Variants in FBXW8 observed in about 807,000 individuals in gnomAD.
The protein encoded by FBXW8 is F-box/WD repeat-containing protein 8.
FBXW8 carries 57 observed loss-of-function variants against 65.3 expected under a neutral mutation model. The observed-to-expected ratio is 0.87, with a 90% CI of 0.71 to 1.09. The LOEUF (loss-of-function observed/expected upper bound fraction) is 1.09. FBXW8 is among the 50% of genes least tolerant of loss of function. FBXW8 has a pLI of 0.00. For synonymous variants in FBXW8, 308 were observed against 330.2 expected, an observed-to-expected ratio of 0.93 and a Z score of 0.73; for missense variants, 777 against 814.8, an observed-to-expected ratio of 0.95 and a Z score of 0.57.
At chr12:116,937,747 C>T (rs925881580) in intron 2 of FBXW8, among the ~76,000 whole-genome samples, 1 of 151,868 alleles carries the variant, frequency 6.6e-6, no homozygotes, top group African/African-American at 2.4e-5. Context: ...CCACAGTAGA[C>T]TTGATGTGTG....
At chr12:116,989,882 G>T (rs1393209097) in intron 7 of FBXW8, among the ~76,000 whole-genome samples, 1 of 152,196 alleles carries the variant, frequency 6.6e-6, no homozygotes, top group Admixed American at 6.5e-5. Context: ...AATAGTGCCT[G>T]CTTCTTAGAG....
chr12:116,928,146 A>T lies in FBXW8; in HGVS notation c.423+19A>T. The T allele has an allele frequency of 1.4e-6, 2 of 1,467,278 alleles. No homozygotes were observed. The highest frequency in any genetic ancestry group is 2.3e-5 in the South Asian group (2 of 85,970). 90.9% of individuals were successfully genotyped at this position (1,467,278 alleles called of 1,614,324 possible). A position where few individuals can be genotyped will look rare whatever the true frequency, so the allele number is the denominator to read the frequency against. ...TGCACAGGTAAGGTGTCACCAACAG[A>T]TGTTCCAGATTTTCCTAAATGTGTG... is the stretch of plus-strand genomic sequence containing the variant. On this transcript the variant is annotated intron_variant, in intron 2 of 10. Transcript: ENST00000652555.
At chr12:117,017,599 G>A (rs1953982321) in intron 8 of FBXW8, among the ~76,000 whole-genome samples, 1 of 152,108 alleles carries the variant, frequency 6.6e-6, no homozygotes, top group Middle Eastern at 3.2e-3. Context: ...ATATTTAATA[G>A]CCCAGGTTCA....
intron 8 of FBXW8, among the ~76,000 whole-genome samples, chr12:117,022,351 CTA>C (rs1433319158): frequency 6.9e-6 from 1 of 145,428 alleles, no homozygotes; most frequent in Non-Finnish European, 1.5e-5. Flanking sequence ...ACTAAAGAAA[CTA>C]TTAAAAAAAA....
chr12:117,015,329 C>A (rs1169100320), intron 8 of FBXW8, among the ~76,000 whole-genome samples: 1 of 152,080 alleles, frequency 6.6e-6, no homozygotes, highest in African/African-American at 2.4e-5. Context: ...TGTGTTTTGT[C>A]CATAGGTTTT....
At chr12:116,913,272 G>C (rs1361467639) in intron 1 of FBXW8, among the ~76,000 whole-genome samples, 2 of 152,204 alleles carry the variant, frequency 1.3e-5, no homozygotes, top group Non-Finnish European at 2.9e-5. Flanking sequence ...TAGAGGTATA[G>C]GCATTGATGC....
At chr12:116,947,798 T>G (rs530238997) in intron 3 of FBXW8, among the ~76,000 whole-genome samples, 1 of 151,592 alleles carries the variant, frequency 6.6e-6, no homozygotes, top group East Asian at 1.9e-4. Context: ...GGCAAGTTGC[T>G]TTACTTTTGT....
Position 116,928,085 on chromosome 12 carries a change from A to C in FBXW8, c.381A>C (p.Ile127=). Residue 127 remains isoleucine, a synonymous_variant, in exon 2 of 11, where the codon ATA becomes ATC. Transcript: ENST00000652555. ...IQLPYELAIN[I]FQYLDRKELG... ...TGCCTTACGAATTGGCAATCAATAT[A>C]TTTCAGTATCTGGACAGGAAAGAAC... 1 of 1,612,560 alleles carries C rather than the reference A, an allele frequency of 6.2e-7. No individual in the cohort carries two copies.
intron 8 of FBXW8, among the ~76,000 whole-genome samples, chr12:117,020,441 T>C (rs1441393269): frequency 6.6e-6 from 1 of 151,762 alleles, no homozygotes; most frequent in Admixed American, 6.5e-5. Flanking sequence ...GTCCGCACTC[T>C]GTTTTTCTCC....
intron 9 of FBXW8, among the ~76,000 whole-genome samples, chr12:117,025,819 A>T (rs1954215120): frequency 6.6e-6 from 1 of 152,112 alleles, no homozygotes; most frequent in Admixed American, 6.5e-5. Context: ...GTCCTCAGGG[A>T]TGGCTGCCAG....
intron 7 of FBXW8, among the ~76,000 whole-genome samples, chr12:116,998,947 C>G (rs1477328809): frequency 1.3e-5 from 2 of 152,212 alleles, no homozygotes; most frequent in African/African-American, 4.8e-5. Flanking sequence ...AGAGAACTTT[C>G]ACTTTTTATT....
At chr12:116,981,968 G>C (rs1253228726) in intron 5 of FBXW8, among the ~76,000 whole-genome samples, 3 of 152,068 alleles carry the variant, frequency 2.0e-5, no homozygotes, top group Non-Finnish European at 4.4e-5. Flanking sequence ...GGTAGACTGT[G>C]ATAAAGACTT....
intron 8 of FBXW8, among the ~76,000 whole-genome samples, chr12:117,023,622 G>A (rs1377678568): frequency 6.6e-6 from 1 of 152,226 alleles, no homozygotes; most frequent in Non-Finnish European, 1.5e-5. Flanking sequence ...CCGCTCTGCT[G>A]TGCTTATCAA....
At chr12:116,975,188 G>C (rs914605014) in intron 5 of FBXW8, among the ~76,000 whole-genome samples, 1 of 152,198 alleles carries the variant, frequency 6.6e-6, no homozygotes, top group Non-Finnish European at 1.5e-5. Flanking sequence ...CATAATTGTC[G>C]TAGGCAAGAA....
intron 5 of FBXW8, among the ~76,000 whole-genome samples, chr12:116,976,232 T>C (rs79921810): frequency 0.012 from 1,800 of 152,296 alleles, 36 homozygotes; most frequent in African/African-American, 0.041. Context: ...GCTTGCCGCT[T>C]TTCTGCTGTC....
Position 117,027,333 on chromosome 12 carries a change from G to C in FBXW8, c.1542-61G>C, listed in dbSNP as rs1362544972. ...CCTGCAGCTCTGAACTCCCAGGCCT[G>C]CGGCAGCAAGTGCAGGCCCAGTGGA... On this transcript the variant is annotated intron_variant, in intron 9 of 10. Coordinates refer to ENST00000652555, the MANE Select transcript of FBXW8 (RefSeq NM_153348.3). 3.1e-6 allele frequency: 4 copies of C among 1,301,614 alleles called. No homozygotes were observed. In the Admixed American group the frequency reaches 5.1e-5, roughly 17 times the overall value. 80.6% of individuals were successfully genotyped at this position (1,301,614 alleles called of 1,614,324 possible). A position where few individuals can be genotyped will look rare whatever the true frequency, so the allele number is the denominator to read the frequency against.
intron 2 of FBXW8, among the ~76,000 whole-genome samples, chr12:116,940,036 T>C (rs1882450755): frequency 1.3e-5 from 2 of 152,242 alleles, no homozygotes; most frequent in Admixed American, 1.3e-4. Flanking sequence ...TCCCGTTCTT[T>C]ATTGCCTGAC....
At chr12:116,955,047 G>GA (rs1491179338) in intron 4 of FBXW8, among the ~76,000 whole-genome samples, 1 of 149,994 alleles carries the variant, frequency 6.7e-6, no homozygotes, top group Non-Finnish European at 1.5e-5. Flanking sequence ...GGGGGGGGGG[G>GA]GCCCTGTATT....
chr12:117,010,505 G>A lies in FBXW8; in HGVS notation c.1367+55G>A, dbSNP rs942472337. On this transcript the variant is annotated intron_variant, in intron 8 of 10. Coordinates refer to ENST00000652555, the MANE Select transcript of FBXW8 (RefSeq NM_153348.3). Reference sequence around the variant, plus strand: ...AGCCCCATGGCTTCTGCCAAGGCCCGGCCCCCACTGCGCTGCTCACACTGC... The same window carrying A: ...AGCCCCATGGCTTCTGCCAAGGCCCAGCCCCCACTGCGCTGCTCACACTGC... 33 of 1,611,512 alleles carry A rather than the reference G, an allele frequency of 2.0e-5. No homozygotes were observed. The Admixed American group carries it at 4.2e-4, about 20-fold the overall frequency.
Sources: allele counts gnomAD v4.1 joint callset (sites outside exome capture counted in the v4.1 genomes callset), GRCh38; gene constraint gnomAD v4.1.1; transcripts MANE v1.5; gene names NCBI Gene and HGNC (gene_info 2026-07-23, HGNC 2026-07-21).